Variants in PCDHA5 observed in about 807,000 individuals in gnomAD.
PCDHA5 encodes the protein protocadherin alpha 5.
A neutral mutation model predicts 61.6 loss-of-function variants in PCDHA5; 43 were observed. The observed-to-expected ratio is 0.70, with a 90% CI of 0.55 to 0.90. The LOEUF is 0.90. Ranked by LOEUF, PCDHA5 falls within the 40% of genes least tolerant of loss-of-function variation. PCDHA5 has a pLI of 0.00. For synonymous variants in PCDHA5, 627 were observed against 543.9 expected (o/e 1.15, Z -2.13); for missense variants, 1,298 against 1,222.7 (o/e 1.06, Z -0.92).
intron 1 of PCDHA5, chr5:140,877,604 T>C: frequency 6.2e-7 from 1 of 1,613,886 alleles, no homozygotes. Flanking sequence ...TCCAGCCTGC[T>C]GGTGCTCACG....
At chr5:140,880,748 G>T (rs950550579) in intron 1 of PCDHA5, among the ~76,000 whole-genome samples, 10 of 152,220 alleles carry the variant, frequency 6.6e-5, no homozygotes, top group Non-Finnish European at 1.2e-4. Flanking sequence ...GATTGTCAGT[G>T]TAACTGCGTG....
chr5:140,903,275 T>A (rs1313552617), intron 1 of PCDHA5, among the ~76,000 whole-genome samples: 1 of 152,210 alleles, frequency 6.6e-6, no homozygotes, highest in East Asian at 1.9e-4. Flanking sequence ...TGAGGTAGTG[T>A]CTCATTGTGC....
chr5:140,979,947 A>G (rs781881758), intron 2 of PCDHA5, among the ~76,000 whole-genome samples: 4 of 152,258 alleles, frequency 2.6e-5, no homozygotes, highest in African/African-American at 4.8e-5. Context: ...AGTTAATGTG[A>G]AATTAGTTTT....
rs148093365 is a variant in PCDHA5 at position 140,827,932 on chromosome 5, A to T, written c.2352+3805A>T. On this transcript the variant is annotated intron_variant, in intron 1 of 3. Coordinates refer to ENST00000529859, the MANE Select transcript of PCDHA5 (RefSeq NM_018908.3). ...TGATGTCGCTGTCTACCATGAAGTT[A>T]TAGCTAGCCAACATTCAAATTTCTT... 3.9e-5 allele frequency: 40 copies of T among 1,026,454 alleles called. No individual in the cohort carries two copies. The African/African-American group carries it at 5.4e-4, about 14-fold the overall frequency. The allele number at this position is 1,026,454 out of a possible 1,614,324, so 63.6% of individuals were successfully genotyped here.
In PCDHA5 at chr5:140,833,167, C is replaced by T. The variant is rs2150206724; in HGVS notation, c.2352+9040C>T. 5.9e-5 allele frequency among the ~76,000 whole-genome samples: 9 copies of T among 152,184 alleles called. 1 individual carries two copies. The East Asian group carries it at 9.6e-4, about 16-fold the overall frequency. Reference sequence around the variant, plus strand: ...AAGCAATACGAATAAAAAGTATTAACGGAAGATGACTGCAAGGATTAAATG... The same window carrying T: ...AAGCAATACGAATAAAAAGTATTAATGGAAGATGACTGCAAGGATTAAATG... On this transcript the variant is annotated intron_variant, in intron 1 of 3. Transcript: ENST00000529859.
intron 1 of PCDHA5, among the ~76,000 whole-genome samples, chr5:140,950,687 C>A (rs2153690415): frequency 6.6e-6 from 1 of 152,106 alleles, no homozygotes; most frequent in South Asian, 2.1e-4. Context: ...ATATTGTTAA[C>A]CAAATTTGAC....
chr5:141,002,059 G>A (rs983772482), intron 3 of PCDHA5, among the ~76,000 whole-genome samples: 1 of 152,242 alleles, frequency 6.6e-6, no homozygotes, highest in Non-Finnish European at 1.5e-5. Flanking sequence ...AGAGGCAGCA[G>A]CAGCCGCCAG....
intron 1 of PCDHA5, chr5:140,863,139 G>A (rs1554157817): frequency 3.3e-6 from 2 of 605,396 alleles, no homozygotes; most frequent in African/African-American, 3.7e-5. Flanking sequence ...GCCTGCTGGT[G>A]CTGGTGAAGG....
At chr5:140,928,856 T>G (rs540865490) in intron 1 of PCDHA5, 1 of 1,614,218 alleles carries the variant, frequency 6.2e-7, no homozygotes, top group African/African-American at 1.3e-5. Context: ...CTGGGTGTGC[T>G]GTTGAGCAAC....
At chr5:140,928,121 A>C in intron 1 of PCDHA5, 1 of 1,614,194 alleles carries the variant, frequency 6.2e-7, no homozygotes, top group Non-Finnish European at 8.5e-7. Flanking sequence ...CAGATCAGTG[A>C]ATACCAAGTC....
chr5:140,851,858 A>T, intron 1 of PCDHA5: 3 of 973,970 alleles, frequency 3.1e-6, no homozygotes, highest in Non-Finnish European at 3.7e-6. Flanking sequence ...CTCTCAGCTC[A>T]TACATAACAC....
At position 140,822,918 on chromosome 5, in the gene PCDHA5, C is replaced by T; in HGVS notation, c.1143C>T (p.Asn381=). The T allele has an allele frequency of 6.2e-7, 1 of 1,614,272 alleles. No homozygotes were observed. Among genetic ancestry groups the T allele is most frequent in the Non-Finnish European group, 8.5e-7 (1 of 1,180,054 alleles). The stretch of plus-strand genomic sequence containing the variant: ...TGTCTGACCGTGACTCAGGTGCCAA[C>T]GGGCAGGTGACCTGCTCCCTAATGC... ...ISVSDRDSGA[N]GQVTCSLMPH... Residue 381 remains asparagine, a synonymous_variant, in exon 1 of 4, where the codon AAC becomes AAT. Coordinates refer to ENST00000529859, the MANE Select transcript of PCDHA5 (RefSeq NM_018908.3).
chr5:140,914,022 C>T (rs1157309436), intron 1 of PCDHA5, among the ~76,000 whole-genome samples: 2 of 152,134 alleles, frequency 1.3e-5, no homozygotes, highest in African/African-American at 2.4e-5. Context: ...GAATGATCCA[C>T]GTGCTGAGAA....
In PCDHA5 at chr5:140,884,016, G is replaced by A. The variant is rs143828814; in HGVS notation, c.2352+59889G>A. 13 of 1,613,090 alleles carry A rather than the reference G, an allele frequency of 8.1e-6. No individual in the cohort carries two copies. In the Admixed American group the frequency reaches 1.2e-4, roughly 14 times the overall value. On this transcript the variant is annotated intron_variant, in intron 1 of 3. Coordinates refer to ENST00000529859, the MANE Select transcript of PCDHA5 (RefSeq NM_018908.3). ...GGCACAGTGAGCGAGCTGATGCCGC[G>A]GTCGGTGGGTGCAGGCCACGTGGTG...
intron 1 of PCDHA5, among the ~76,000 whole-genome samples, chr5:140,838,075 A>AGTGTGTGTG (rs781914509): frequency 7.8e-6 from 1 of 128,134 alleles, no homozygotes; most frequent in Admixed American, 8.1e-5. Flanking sequence ...TTATATATAT[A>AGTGTGTGTG]TAGTGTGTGT....
At chr5:140,940,873 A>G (rs541083185) in intron 1 of PCDHA5, among the ~76,000 whole-genome samples, 10 of 152,352 alleles carry the variant, frequency 6.6e-5, no homozygotes, top group African/African-American at 2.4e-4. Context: ...CAGTGAGTGA[A>G]TACTACTGCT....
intron 1 of PCDHA5, among the ~76,000 whole-genome samples, chr5:140,958,893 A>G (rs1332305633): frequency 2.6e-5 from 4 of 152,002 alleles, no homozygotes; most frequent in African/African-American, 9.7e-5. Flanking sequence ...TAGCTATATA[A>G]TAGATACAGA....
At chr5:140,883,341 C>G in intron 1 of PCDHA5, 1 of 1,614,144 alleles carries the variant, frequency 6.2e-7, no homozygotes, top group Non-Finnish European at 8.5e-7. Context: ...TTGTCACTCC[C>G]CATCAGAGAA....
intron 1 of PCDHA5, chr5:140,966,441 C>A (rs2096002534): frequency 4.7e-6 from 2 of 424,804 alleles, no homozygotes; most frequent in South Asian, 1.8e-4. Context: ...CTACCGCTCC[C>A]TTTCCCCCTC....
Sources: gnomAD v4.1 joint callset for allele counts (sites outside exome capture counted in the v4.1 genomes callset) on GRCh38, gnomAD v4.1.1 for gene constraint, MANE v1.5 for transcripts, NCBI Gene and HGNC (gene_info 2026-07-23, HGNC 2026-07-21) for gene names.